Variants in CLDN14 observed in about 807,000 individuals in gnomAD.
The protein encoded by CLDN14 is claudin 14.
CLDN14 carries 2 observed loss-of-function variants against 2.1 expected under a neutral mutation model. That is an observed-to-expected ratio of 0.96 (90% CI 0.39 to 3.01). CLDN14 has a LOEUF of 3.01. CLDN14 is among the 30% of genes most tolerant of loss of function. The pLI is 0.09. For missense variants in CLDN14, 298 were observed against 328.0 expected (o/e 0.91, Z 0.71); for synonymous variants, 136 against 154.4 (o/e 0.88, Z 0.88).
At chr21:36,559,931 T>C (rs1259246744) in intron 1 of CLDN14, among the ~76,000 whole-genome samples, 1 of 152,172 alleles carries the variant, frequency 6.6e-6, no homozygotes, top group African/African-American at 2.4e-5. Context: ...CTGTATTTCA[T>C]TTCTGAAATA....
chr21:36,478,979 C>T (rs139743683), intron 1 of CLDN14, among the ~76,000 whole-genome samples: 4 of 152,274 alleles, frequency 2.6e-5, no homozygotes, highest in South Asian at 2.1e-4. Context: ...ACTTCCCCCC[C>T]TCTCCTGCCA....
At chr21:36,528,403 C>A (rs2146499189) in intron 1 of CLDN14, among the ~76,000 whole-genome samples, 1 of 152,288 alleles carries the variant, frequency 6.6e-6, no homozygotes, top group Non-Finnish European at 1.5e-5. Flanking sequence ...AACCCACAGT[C>A]CTGATTCCAA....
At chr21:36,509,677 C>T (rs1486255151) in intron 2 of CLDN14, among the ~76,000 whole-genome samples, 3 of 152,142 alleles carry the variant, frequency 2.0e-5, no homozygotes, top group African/African-American at 4.8e-5. Context: ...CTCATTGCAA[C>T]CTCCGCCTCC....
rs2087057175 is a variant in CLDN14 at position 36,498,225 on chromosome 21, T to C, written c.-82+12138A>G. On this transcript the variant is annotated intron_variant, in intron 2 of 2. Coordinates refer to the CLDN14 transcript ENST00000342108. This position sits in a 1 kb window ranked among gnomAD's most constrained non-coding sequence, Gnocchi z 4.9. ...CATATTGGCCAGGCTGGTGTCGAAC[T>C]CCTGACCTCAGGCGGTCCACCTGCC... 6.6e-6 allele frequency among the ~76,000 whole-genome samples: 1 copy of C among 152,142 alleles called. No individual in the cohort carries two copies. Among genetic ancestry groups the C allele is most frequent in the Non-Finnish European group, 1.5e-5 (1 of 68,024 alleles).
chr21:36,550,569 C>T (rs1440980252), intron 1 of CLDN14, among the ~76,000 whole-genome samples: 1 of 152,148 alleles, frequency 6.6e-6, no homozygotes, highest in Admixed American at 6.5e-5. Flanking sequence ...GAAAGTTGGG[C>T]CCATGGCATC....
At chr21:36,515,495 A>G (rs1362580378) in intron 1 of CLDN14, among the ~76,000 whole-genome samples, 4 of 151,952 alleles carry the variant, frequency 2.6e-5, no homozygotes, top group African/African-American at 7.2e-5. Flanking sequence ...CAACCTGGTG[A>G]AACCCTGTCT....
chr21:36,525,891 G>C (rs11909651), intron 1 of CLDN14, among the ~76,000 whole-genome samples: 1,555 of 152,252 alleles, frequency 0.01, 35 homozygotes, highest in African/African-American at 0.035. Flanking sequence ...TTGAGAGGCT[G>C]AGCGGGAGGA....
Position 36,495,815 on chromosome 21 carries a change from G to A in CLDN14, c.-82+14548C>T, listed in dbSNP as rs534872549. On this transcript the variant is annotated intron_variant, in intron 2 of 2. Transcript: ENST00000342108. ...AATGAGTTAAGATGAGGTCACAGTG[G>A]ATTAGGGTGGTCCCTACACCAATGC... 3.9e-5 allele frequency among the ~76,000 whole-genome samples: 6 copies of A among 152,316 alleles called. No homozygotes were observed. The South Asian group carries it at 1.2e-3, about 32-fold the overall frequency.
At chr21:36,470,691 C>T (rs1054504240) in intron 1 of CLDN14, among the ~76,000 whole-genome samples, 4 of 152,158 alleles carry the variant, frequency 2.6e-5, no homozygotes, top group Non-Finnish European at 5.9e-5. Context: ...AGAAAATGCT[C>T]GGCCAGGCCC....
chr21:36,460,755 G>T lies in CLDN14; in HGVS notation c.*221C>A. 1.8e-6 allele frequency: 1 copy of T among 555,912 alleles called. No individual in the cohort carries two copies. The highest frequency in any genetic ancestry group is 2.5e-5 in the South Asian group (1 of 40,662). The allele number at this position is 555,912 out of a possible 1,614,324, so 34.4% of individuals were successfully genotyped here. A position where few individuals can be genotyped will look rare whatever the true frequency, so the allele number is the denominator to read the frequency against. Reference sequence around the variant, plus strand: ...AATATATATAATAAATACAAAAACAGACAGGATTTTTTTTTTCAGTCTTTG... The same window carrying T: ...AATATATATAATAAATACAAAAACATACAGGATTTTTTTTTTCAGTCTTTG... On this transcript the variant is annotated 3_prime_UTR_variant, in exon 2 of 2. Transcript: ENST00000399135. This position sits in a 1 kb window ranked among gnomAD's most constrained non-coding sequence, Gnocchi z 4.0.
chr21:36,486,827 G>C (rs2086902832), intron 2 of CLDN14: 10 of 735,140 alleles, frequency 1.4e-5, no homozygotes, highest in Non-Finnish European at 2.5e-5. Flanking sequence ...TGGGCCATGT[G>C]GATGCCAGTG....
At chr21:36,474,906 A>G (rs905257611) in intron 1 of CLDN14, among the ~76,000 whole-genome samples, 3 of 152,204 alleles carry the variant, frequency 2.0e-5, no homozygotes, top group African/African-American at 4.8e-5. Flanking sequence ...TCAGTGGGCA[A>G]TAACGCATGT....
intron 1 of CLDN14, among the ~76,000 whole-genome samples, chr21:36,567,943 A>G (rs911044200): frequency 6.6e-6 from 1 of 152,212 alleles, no homozygotes; most frequent in Non-Finnish European, 1.5e-5. Context: ...TGAGATTCAC[A>G]AATAAAGATG....
chr21:36,474,015 A>AT (rs2086743794), intron 1 of CLDN14, among the ~76,000 whole-genome samples: 1 of 152,190 alleles, frequency 6.6e-6, no homozygotes, highest in African/African-American at 2.4e-5. Context: ...GGCGGAGTTG[A>AT]TTGGAGTGGG....
chr21:36,489,309 G>A (rs865916493), intron 2 of CLDN14, among the ~76,000 whole-genome samples: 1 of 151,776 alleles, frequency 6.6e-6, no homozygotes, highest in South Asian at 2.1e-4. Flanking sequence ...TTGTTTAGGA[G>A]TAAGGAGTTT....
intron 1 of CLDN14, among the ~76,000 whole-genome samples, chr21:36,562,629 A>G (rs1449012478): frequency 6.6e-6 from 1 of 151,828 alleles, no homozygotes; most frequent in Non-Finnish European, 1.5e-5. Flanking sequence ...TTAATTTTTA[A>G]TAATCTCTAA....
chr21:36,470,397 T>C (rs2146430990), intron 1 of CLDN14, among the ~76,000 whole-genome samples: 1 of 151,074 alleles, frequency 6.6e-6, no homozygotes, highest in Middle Eastern at 3.4e-3. Flanking sequence ...AGGCAGAGAG[T>C]GGAGCGAGAA....
intron 1 of CLDN14, among the ~76,000 whole-genome samples, chr21:36,512,585 C>T (rs116967059): frequency 1.5e-3 from 222 of 152,236 alleles, no homozygotes; most frequent in Non-Finnish European, 2.7e-3. Context: ...GAATTGGATC[C>T]GTATGTACTC....
chr21:36,460,991 C>T lies in CLDN14; in HGVS notation c.705G>A (p.Leu235=). The change falls in exon 2 of 2, where the codon CTG becomes CTA. Residue 235 remains leucine, a synonymous_variant. Coordinates refer to ENST00000399135, the MANE Select transcript of CLDN14 (RefSeq NM_001146079.2). This position sits in a 1 kb window ranked among gnomAD's most constrained non-coding sequence, Gnocchi z 4.0. ...CTGTGGGGACTCACACGTAGTCGTT[C>T]AGCCTGTACCCGCTGTGCGTGGCCG... ...VTSATHSGYR[L]NDYV is the part of the protein sequence containing the mutation. The T allele has an allele frequency of 6.2e-7, 1 of 1,612,830 alleles. No homozygotes were observed. The highest frequency in any genetic ancestry group is 8.5e-7 in the Non-Finnish European group (1 of 1,179,886).
Sources: allele counts gnomAD v4.1 joint callset (sites outside exome capture counted in the v4.1 genomes callset), GRCh38; gene constraint gnomAD v4.1.1; non-coding constraint Gnocchi (gnomAD v3.1); transcripts MANE v1.5; gene names NCBI Gene and HGNC (gene_info 2026-07-23, HGNC 2026-07-21).